The following SLC5A4 variants were observed in gnomAD, a reference collection of about 807,000 sequenced individuals.
SLC5A4 encodes solute carrier family 5 member 4.
In SLC5A4, 55 loss-of-function variants were observed where a neutral mutation model predicts 70.3. That is an observed-to-expected ratio of 0.78 (90% CI 0.63 to 0.98). SLC5A4 has a LOEUF of 0.98. Ranked by LOEUF, SLC5A4 falls within the 50% of genes least tolerant of loss-of-function variation. SLC5A4 has a pLI of 0.00. For missense variants in SLC5A4, 735 were observed against 839.2 expected (o/e 0.88, Z 1.53); for synonymous variants, 268 against 305.7 (o/e 0.88, Z 1.29).
At chr22:32,311,066 G>A in the SLC5A4 span, among the ~76,000 whole-genome samples, 1 of 152,108 alleles carries the variant, frequency 6.6e-6, no homozygotes, top group East Asian at 1.9e-4. Flanking sequence ...CCCATTACTC[G>A]GTCCTGTGTG....
chr22:32,303,031 TTTTTTTTC>T, the SLC5A4 span, among the ~76,000 whole-genome samples: 2 of 148,388 alleles, frequency 1.3e-5, no homozygotes, highest in African/African-American at 2.4e-5. Flanking sequence ...TGTTTACTTA[TTTTTTTTC>T]TTTTTTTAAG....
chr22:32,338,047 T>C, the SLC5A4 span, among the ~76,000 whole-genome samples: 21 of 150,162 alleles, frequency 1.4e-4, no homozygotes, highest in Non-Finnish European at 2.4e-4. Context: ...ATACTGGATA[T>C]GTTTACTTGT....
chr22:32,352,161 A>G, the SLC5A4 span, among the ~76,000 whole-genome samples: 1 of 151,824 alleles, frequency 6.6e-6, no homozygotes, highest in Non-Finnish European at 1.5e-5. Context: ...GCAAACTATC[A>G]CAAGGACAAA....
chr22:32,225,424 A>G (rs1040663092), intron 12 of SLC5A4, among the ~76,000 whole-genome samples: 1 of 152,212 alleles, frequency 6.6e-6, no homozygotes, highest in Non-Finnish European at 1.5e-5. Flanking sequence ...TCAACTCTGC[A>G]CCATGTATGT....
chr22:32,291,154 T>A, the SLC5A4 span, among the ~76,000 whole-genome samples: 1 of 150,822 alleles, frequency 6.6e-6, no homozygotes, highest in Admixed American at 6.7e-5. Flanking sequence ...TTTTCTTTAG[T>A]TGTGTATTTA....
At chr22:32,312,606 G>C in the SLC5A4 span, among the ~76,000 whole-genome samples, 3 of 152,084 alleles carry the variant, frequency 2.0e-5, no homozygotes, top group East Asian at 5.8e-4. Context: ...GTGGACAGGT[G>C]GCTCAGAATC....
At chr22:32,244,390 A>G (rs1263108694) in intron 5 of SLC5A4, among the ~76,000 whole-genome samples, 1 of 152,158 alleles carries the variant, frequency 6.6e-6, no homozygotes, top group Non-Finnish European at 1.5e-5. Context: ...TTTTGACTTC[A>G]TGTGTAGTTC....
chr22:32,322,409 A>AC, the SLC5A4 span, among the ~76,000 whole-genome samples: 4 of 151,910 alleles, frequency 2.6e-5, no homozygotes, highest in African/African-American at 7.3e-5. Flanking sequence ...ACATGGTGAA[A>AC]CCCCATCTCT....
the SLC5A4 span, among the ~76,000 whole-genome samples, chr22:32,319,105 T>A: frequency 2.0e-5 from 3 of 152,152 alleles, no homozygotes; most frequent in African/African-American, 7.2e-5. Flanking sequence ...AGTGGGGACA[T>A]CGTTCTTCTC....
At chr22:32,322,549 G>A in the SLC5A4 span, among the ~76,000 whole-genome samples, 6 of 150,076 alleles carry the variant, frequency 4.0e-5, no homozygotes, top group Non-Finnish European at 7.4e-5. Flanking sequence ...TTGCGCCACT[G>A]CACTCCAGCC....
At chr22:32,223,573 A>C (rs900564391) in intron 13 of SLC5A4, among the ~76,000 whole-genome samples, 14 of 151,982 alleles carry the variant, frequency 9.2e-5, no homozygotes, top group Non-Finnish European at 1.9e-4. Context: ...TCTCTGTGCC[A>C]GTCAGTGTTC....
At chr22:32,239,159 TC>T in intron 5 of SLC5A4, 69 bp from the exon 6 acceptor site, 1 of 1,074,372 alleles carries the variant, frequency 9.3e-7, no homozygotes, top group Non-Finnish European at 1.4e-6. Context: ...TGCCCCAATG[TC>T]CACTCTACTC....
At chr22:32,251,176 A>C (rs66484543) in intron 3 of SLC5A4, among the ~76,000 whole-genome samples, 35 of 142,054 alleles carry the variant, frequency 2.5e-4, no homozygotes, top group Non-Finnish European at 3.5e-4. Flanking sequence ...AAAAAAAAAA[A>C]CCAAAGAGGA....
intron 8 of SLC5A4, among the ~76,000 whole-genome samples, chr22:32,234,473 C>T (rs558860623): frequency 6.6e-6 from 1 of 152,212 alleles, no homozygotes; most frequent in South Asian, 2.1e-4. Flanking sequence ...CCGAGGCGGG[C>T]AGATCACCTA....
At chr22:32,283,415 C>A in the SLC5A4 span, among the ~76,000 whole-genome samples, 1 of 152,226 alleles carries the variant, frequency 6.6e-6, no homozygotes, top group Admixed American at 6.5e-5. Context: ...CAGCTACAGA[C>A]GTGACACACT....
At chr22:32,222,981 A>AT (rs1049677210) in intron 13 of SLC5A4, among the ~76,000 whole-genome samples, 7 of 151,756 alleles carry the variant, frequency 4.6e-5, no homozygotes, top group Non-Finnish European at 8.8e-5. Context: ...ATGCTCTAAG[A>AT]TTTTTTTTTG....
the SLC5A4 span, among the ~76,000 whole-genome samples, chr22:32,307,888 C>T: frequency 5.3e-5 from 8 of 152,184 alleles, no homozygotes; most frequent in South Asian, 8.3e-4. Context: ...ATACCCACCA[C>T]GTGAGCAGGA....
chr22:32,307,292 C>T, the SLC5A4 span, among the ~76,000 whole-genome samples: 7 of 152,150 alleles, frequency 4.6e-5, no homozygotes, highest in African/African-American at 1.7e-4. Context: ...CTTCATCAAG[C>T]ATTTATCTAG....
chr22:32,230,765 A>G (rs926971878), intron 10 of SLC5A4, among the ~76,000 whole-genome samples: 1 of 152,228 alleles, frequency 6.6e-6, no homozygotes, highest in Non-Finnish European at 1.5e-5. Context: ...AAGGAGTAAG[A>G]ATTCTTCTAA....
Sources: gnomAD v4.1 joint callset for allele counts (sites outside exome capture counted in the v4.1 genomes callset) on GRCh38, gnomAD v4.1.1 for gene constraint, MANE v1.5 for transcripts, NCBI Gene and HGNC (gene_info 2026-07-23, HGNC 2026-07-21) for gene names.